The following PPP1R13B variants were observed in gnomAD, a reference collection of about 807,000 sequenced individuals.
PPP1R13B encodes the protein apoptosis-stimulating of p53 protein 1.
In PPP1R13B, 44 loss-of-function variants were observed where a neutral mutation model predicts 119.8. The ratio of observed to expected loss-of-function variants is 0.37; its 90% CI spans 0.29 to 0.47. The LOEUF (loss-of-function observed/expected upper bound fraction) is 0.47, where lower values mean the gene tolerates loss of function less well. Ranked by LOEUF, PPP1R13B falls within the 20% of genes least tolerant of loss-of-function variation. The pLI is 0.99. For missense variants in PPP1R13B, 1,227 were observed against 1,413.5 expected, an observed-to-expected ratio of 0.87 and a Z score of 2.12; for synonymous variants, 542 against 561.5, an observed-to-expected ratio of 0.97 and a Z score of 0.49.
At chr14:103,752,864 C>T (rs1396465901) in intron 7 of PPP1R13B, 136 bp downstream of exon 7, 1 of 977,762 alleles carries the variant, frequency 1.0e-6, no homozygotes, top group Non-Finnish European at 1.5e-6. Context: ...TTATTTTGTA[C>T]TGAATATATC....
chr14:103,823,684 A>AT (rs1298178286), intron 1 of PPP1R13B, among the ~76,000 whole-genome samples: 3 of 152,164 alleles, frequency 2.0e-5, no homozygotes, highest in Non-Finnish European at 4.4e-5. Context: ...ACCTCCAACA[A>AT]TAACAGTAAT....
At position 103,736,034 on chromosome 14, in the gene PPP1R13B, C is replaced by T. The variant is rs775532323; in HGVS notation, c.3200G>A (p.Arg1067Gln). 10 of 1,614,086 alleles carry T rather than the reference C, an allele frequency of 6.2e-6. No individual in the cohort carries two copies. Among genetic ancestry groups the T allele is most frequent in the South Asian group, 1.1e-5 (1 of 91,092 alleles). Reference sequence around the variant, plus strand: ...CAGGTTTTTGGGCACATAGCCCTCCCGGTCTCCAAGGCGAGCCCACCACCA... The same window carrying T: ...CAGGTTTTTGGGCACATAGCCCTCCTGGTCTCCAAGGCGAGCCCACCACCA... ...TEWWWARLGD[R>Q]EGYVPKNLLG... Residue 1067 changes from arginine to glutamine, a missense_variant, in exon 16 of 17, where the codon CGG becomes CAG. By Grantham distance (43) the Arg-to-Gln change is conservative (BLOSUM62 1). Coordinates refer to ENST00000202556, the MANE Select transcript of PPP1R13B (RefSeq NM_015316.3).
Position 103,735,200 on chromosome 14 carries a change from G to A in PPP1R13B, c.3232-5C>T. On this transcript the variant is annotated splice_region_variant and splice_polypyrimidine_tract_variant and intron_variant, in intron 16 of 16. Transcript: ENST00000202556. ...GGGTTTGATCCGTGGATACAGCTGGGAAGCAACGGAGCCGCGTCAGGACAG... is the reference window on the plus strand; with the variant it reads ...GGGTTTGATCCGTGGATACAGCTGGAAAGCAACGGAGCCGCGTCAGGACAG... 6.2e-7 allele frequency: 1 copy of A among 1,614,066 alleles called. No individual in the cohort carries two copies. Among genetic ancestry groups the A allele is most frequent in the East Asian group, 2.2e-5 (1 of 44,872 alleles).
At chr14:103,779,982 C>A (rs999900594) in intron 3 of PPP1R13B, among the ~76,000 whole-genome samples, 2 of 151,652 alleles carry the variant, frequency 1.3e-5, no homozygotes, top group African/African-American at 4.8e-5. Context: ...AACCCTGTCT[C>A]TAGTAAAATT....
At chr14:103,817,657 T>C (rs2086311413) in intron 1 of PPP1R13B, among the ~76,000 whole-genome samples, 1 of 152,152 alleles carries the variant, frequency 6.6e-6, no homozygotes, top group Admixed American at 6.6e-5. Context: ...ACTTTTACCA[T>C]TTATTAATAA....
At chr14:103,766,165 T>C (rs1277839926) in intron 4 of PPP1R13B, among the ~76,000 whole-genome samples, 4 of 151,786 alleles carry the variant, frequency 2.6e-5, no homozygotes, top group Admixed American at 6.6e-5. Flanking sequence ...TATGCCACCA[T>C]GCCCAGCTAA....
chr14:103,790,045 A>G (rs1327322091), intron 2 of PPP1R13B, among the ~76,000 whole-genome samples: 1 of 151,972 alleles, frequency 6.6e-6, no homozygotes, highest in Non-Finnish European at 1.5e-5. Flanking sequence ...CAAGAGTTCC[A>G]GACCAGCCTG....
At chr14:103,841,509 G>A (rs1290472955) in intron 1 of PPP1R13B, among the ~76,000 whole-genome samples, 1 of 151,828 alleles carries the variant, frequency 6.6e-6, no homozygotes, top group Non-Finnish European at 1.5e-5. Flanking sequence ...AGAATCGCTT[G>A]AGCCCTGTAG....
At chr14:103,773,136 TAGAC>T (rs746759093) in intron 4 of PPP1R13B, among the ~76,000 whole-genome samples, 13 of 152,138 alleles carry the variant, frequency 8.5e-5, no homozygotes, top group East Asian at 1.9e-4. Flanking sequence ...ATGTATTAAA[TAGAC>T]AGACACAGCT....
At chr14:103,811,310 T>G (rs1045212106) in intron 1 of PPP1R13B, among the ~76,000 whole-genome samples, 2 of 151,992 alleles carry the variant, frequency 1.3e-5, no homozygotes, top group Non-Finnish European at 2.9e-5. Context: ...ATAACAGTTA[T>G]TAAGAGAATG....
At chr14:103,816,898 T>C (rs900531016) in intron 1 of PPP1R13B, among the ~76,000 whole-genome samples, 1 of 152,164 alleles carries the variant, frequency 6.6e-6, no homozygotes, top group African/African-American at 2.4e-5. Flanking sequence ...ACTATTCATC[T>C]GATGAATACA....
At position 103,742,255 on chromosome 14, in the gene PPP1R13B, C is replaced by G; in HGVS notation, c.1357G>C (p.Gly453Arg). 1 of 1,579,766 alleles carries G rather than the reference C, an allele frequency of 6.3e-7. No homozygotes were observed. Among genetic ancestry groups the G allele is most frequent in the South Asian group, 1.1e-5 (1 of 88,654 alleles). Residue 453 changes from glycine to arginine, a missense_variant, in exon 11 of 17, where the codon GGT becomes CGT. Physicochemically the swap from Gly to Arg is moderately radical, Grantham distance 125 (BLOSUM62 -2). Transcript: ENST00000202556. The surrounding 1 kb of genome is among the most constrained non-coding windows in gnomAD (Gnocchi z 4.9). ...CTTGGAGGCAGCTGCTTGCCTACAC[C>G]CGGGATGGGAGGTGGCACTTTACCA... Reference protein sequence around the residue: ...EIGKVPPPIPGVGKQLPPSYG... With the variant: ...EIGKVPPPIPRVGKQLPPSYG...
chr14:103,770,184 C>T (rs147449852), intron 4 of PPP1R13B, among the ~76,000 whole-genome samples: 28 of 152,112 alleles, frequency 1.8e-4, no homozygotes, highest in East Asian at 1.2e-3. Context: ...TGAGCCACCA[C>T]GCCCGGCCCA....
intron 1 of PPP1R13B, among the ~76,000 whole-genome samples, chr14:103,815,480 G>A (rs1483046497): frequency 2.6e-5 from 4 of 152,212 alleles, no homozygotes; most frequent in African/African-American, 9.6e-5. Flanking sequence ...ACACAGGCTA[G>A]GCATGGTGGC....
chr14:103,777,377 CA>C (rs1004261057), intron 4 of PPP1R13B, among the ~76,000 whole-genome samples: 3 of 152,166 alleles, frequency 2.0e-5, no homozygotes, highest in Non-Finnish European at 4.4e-5. Context: ...GTCTATACCA[CA>C]ATGATGGAGG....
chr14:103,742,092 C>A lies in PPP1R13B; in HGVS notation c.1520G>T (p.Gly507Val). 6.2e-7 allele frequency: 1 copy of A among 1,613,834 alleles called. No individual in the cohort carries two copies. Among genetic ancestry groups the A allele is most frequent in the Non-Finnish European group, 8.5e-7 (1 of 1,179,966 alleles). The change falls in exon 11 of 17, where the codon GGC (glycine) becomes GTC (valine). Residue 507 changes from glycine to valine, a missense_variant. Physicochemically the swap from Gly to Val is moderately radical, Grantham distance 109. Coordinates refer to ENST00000202556, the MANE Select transcript of PPP1R13B (RefSeq NM_015316.3). This position sits in a 1 kb window ranked among gnomAD's most constrained non-coding sequence, Gnocchi z 4.9. ...RQRPTLLPAT[G>V]STPQPGSSQQ... ...TGAGGAGCCTGGCTGGGGGGTGCTG[C>A]CTGTGGCGGGCAGCAGGGTGGGCCT...
In PPP1R13B at chr14:103,746,381, G is replaced by C. The variant is rs371542080; in HGVS notation, c.1142C>G (p.Ser381Cys). The change falls in exon 9 of 17, where the codon TCC becomes TGC. Residue 381 changes from serine to cysteine, a missense_variant. Coordinates refer to ENST00000202556, the MANE Select transcript of PPP1R13B (RefSeq NM_015316.3). The stretch of plus-strand genomic sequence containing the variant: ...GGGCCAGGACCACTCACCGGATTTG[G>C]ATCTTCCATGAGCAGCATTTGAGGC... ...SIASNAAHGR[S>C]KSANDGNWPT... 2.0e-5 allele frequency: 32 copies of C among 1,601,746 alleles called. No individual in the cohort carries two copies. The highest frequency in any genetic ancestry group is 2.7e-5 in the Non-Finnish European group (32 of 1,172,574).
At chr14:103,735,619 A>G (rs764039214) in intron 16 of PPP1R13B, among the ~76,000 whole-genome samples, 1 of 152,128 alleles carries the variant, frequency 6.6e-6, no homozygotes, top group Non-Finnish European at 1.5e-5. Context: ...TCCAACACAG[A>G]GCTAGCAGCC....
At chr14:103,764,674 C>T (rs2084896084) in intron 4 of PPP1R13B, among the ~76,000 whole-genome samples, 1 of 151,826 alleles carries the variant, frequency 6.6e-6, no homozygotes. Flanking sequence ...TTCTTTTGAG[C>T]TTTTAATTTC....
Sources: allele counts gnomAD v4.1 joint callset (sites outside exome capture counted in the v4.1 genomes callset), GRCh38; gene constraint gnomAD v4.1.1; non-coding constraint Gnocchi (gnomAD v3.1); transcripts MANE v1.5; gene names NCBI Gene and HGNC (gene_info 2026-07-23, HGNC 2026-07-21).